Variants in CDH4 observed in about 807,000 individuals in gnomAD.
CDH4 encodes cadherin-4.
Under a neutral mutation model 86.0 loss-of-function variants are expected in CDH4, and 33 were observed. The ratio of observed to expected loss-of-function variants is 0.38; its 90% CI spans 0.29 to 0.51. The LOEUF is 0.51. Among genes scored for constraint, CDH4 ranks in the 20% least tolerant of loss-of-function variants. The probability of loss-of-function intolerance (pLI) is 0.86; values close to 1 mark genes in which losing one functional copy is unlikely to be tolerated. For missense variants in CDH4, 1,114 were observed against 1,307.4 expected, an observed-to-expected ratio of 0.85 and a Z score of 2.28; for synonymous variants, 555 against 549.4, an observed-to-expected ratio of 1.01 and a Z score of -0.14.
intron 6 of CDH4, among the ~76,000 whole-genome samples, chr20:61,866,136 C>T (rs1983538056): frequency 6.6e-6 from 1 of 151,820 alleles, no homozygotes; most frequent in South Asian, 2.1e-4. Flanking sequence ...GGGGATTTTG[C>T]CCAGAGGACC....
At chr20:61,694,037 T>G (rs1482114704) in intron 2 of CDH4, among the ~76,000 whole-genome samples, 1 of 151,740 alleles carries the variant, frequency 6.6e-6, no homozygotes, top group Non-Finnish European at 1.5e-5. Context: ...GGATTACAGG[T>G]GCCCGCCATG....
intron 2 of CDH4, among the ~76,000 whole-genome samples, chr20:61,335,116 T>C (rs2084610102): frequency 6.6e-6 from 1 of 152,152 alleles, no homozygotes; most frequent in Non-Finnish European, 1.5e-5. Flanking sequence ...CTTTACAGAG[T>C]TGGCAAGAGG....
chr20:61,855,158 A>G (rs1437673470), intron 6 of CDH4, among the ~76,000 whole-genome samples: 1 of 137,046 alleles, frequency 7.3e-6, no homozygotes, highest in South Asian at 2.4e-4. Context: ...GCCCACCCCC[A>G]GGGCTGCAGT....
chr20:61,545,834 G>GTGTGTGTGGAGGGGTATGTGTGCA (rs2086074914), intron 2 of CDH4, among the ~76,000 whole-genome samples: 1 of 150,430 alleles, frequency 6.6e-6, no homozygotes, highest in Admixed American at 6.6e-5. Context: ...GTGTGTATGT[G>GTGTGTGTGGAGGGGTATGTGTGCA]TGTGTGTGGA....
At position 61,464,310 on chromosome 20, in the gene CDH4, T is replaced by G. The variant is rs577993474; in HGVS notation, c.169+209373T>G. On this transcript the variant is annotated intron_variant, in intron 2 of 15. Transcript: ENST00000614565. ...TATTTCCAGGTACAGTTATTATGGA[T>G]GTAATCCTATTAACCTGCATTTTGA... Among the ~76,000 whole-genome samples the G allele has an allele frequency of 3.0e-4, 45 of 152,316 alleles. 1 individual carries two copies. The highest frequency in any genetic ancestry group is 2.7e-3 in the Admixed American group (42 of 15,298).
At chr20:61,628,478 G>A (rs1238959806) in intron 2 of CDH4, among the ~76,000 whole-genome samples, 1 of 152,134 alleles carries the variant, frequency 6.6e-6, no homozygotes, top group African/African-American at 2.4e-5. Flanking sequence ...TCTAAGCCTG[G>A]CTTTACAAAC....
intron 2 of CDH4, among the ~76,000 whole-genome samples, chr20:61,424,303 A>C (rs2085198906): frequency 6.6e-6 from 1 of 151,410 alleles, no homozygotes; most frequent in African/African-American, 2.4e-5. Flanking sequence ...AAACACACTC[A>C]TATCCACACA....
intron 2 of CDH4, among the ~76,000 whole-genome samples, chr20:61,341,993 T>C (rs1013200181): frequency 7.9e-5 from 12 of 152,156 alleles, no homozygotes; most frequent in Non-Finnish European, 5.9e-5. Flanking sequence ...CTCACAAAAC[T>C]CTTTAGAAAT....
intron 2 of CDH4, among the ~76,000 whole-genome samples, chr20:61,601,327 C>G (rs2427168): frequency 6.6e-6 from 1 of 151,952 alleles, no homozygotes; most frequent in Admixed American, 6.5e-5. Context: ...AACACCTCCC[C>G]CCAGGCCCCA....
At chr20:61,388,500 C>T (rs1283812483) in intron 2 of CDH4, among the ~76,000 whole-genome samples, 1 of 152,170 alleles carries the variant, frequency 6.6e-6, no homozygotes, top group Non-Finnish European at 1.5e-5. Context: ...TACCGTGACC[C>T]TTCTCCGATT....
chr20:61,909,659 C>T (rs544613126), intron 8 of CDH4, among the ~76,000 whole-genome samples: 4 of 152,264 alleles, frequency 2.6e-5, no homozygotes, highest in African/African-American at 7.2e-5. Flanking sequence ...AATATGTCTG[C>T]GTCTTCTCTT....
rs144244383 is a variant in CDH4 at position 61,516,253 on chromosome 20, C to T, written c.170-227310C>T. On this transcript the variant is annotated intron_variant, in intron 2 of 15. Coordinates refer to ENST00000614565, the MANE Select transcript of CDH4 (RefSeq NM_001794.5). The surrounding 1 kb of genome is among the most constrained non-coding windows in gnomAD (Gnocchi z 4.0). ...CTAAGCAAAACAGGGACAGAGCCAC[C>T]GGCCCCACCCTAACAGGAGCAATCC... Among the ~76,000 whole-genome samples the T allele has an allele frequency of 4.6e-5, 7 of 152,282 alleles. No individual in the cohort carries two copies. The highest frequency in any genetic ancestry group is 3.9e-4 in the East Asian group (2 of 5,180).
chr20:61,897,995 G>T (rs542215107), intron 8 of CDH4, among the ~76,000 whole-genome samples: 3 of 152,324 alleles, frequency 2.0e-5, no homozygotes, highest in African/African-American at 7.2e-5. Context: ...ACCCTGGCAG[G>T]GAGGGTTCCC....
chr20:61,555,247 G>A (rs898798436), intron 2 of CDH4, among the ~76,000 whole-genome samples: 9 of 152,228 alleles, frequency 5.9e-5, no homozygotes, highest in African/African-American at 1.9e-4. Flanking sequence ...GTTTCTATGA[G>A]TGTGTGCAGA....
At position 61,783,858 on chromosome 20, in the gene CDH4, A is replaced by G. The variant is rs78885640; in HGVS notation, c.576+10676A>G. ...TCGGGACAGTTCTCAAGGCCCTCAG[A>G]TGTCCTGTGCCCCCAAGAGAAATGT... On this transcript the variant is annotated intron_variant, in intron 4 of 15. Transcript: ENST00000614565. Among the ~76,000 whole-genome samples, 37 of 33,854 alleles carry G rather than the reference A, an allele frequency of 1.1e-3. 2 individuals carry two copies. The highest frequency in any genetic ancestry group is 4.6e-3 in the African/African-American group (27 of 5,910). The allele number at this position is 33,854 out of a possible 152,430, so 22.2% of individuals were successfully genotyped here.
chr20:61,934,642 C>T (rs945500961), intron 15 of CDH4, among the ~76,000 whole-genome samples: 1 of 152,200 alleles, frequency 6.6e-6, no homozygotes, highest in African/African-American at 2.4e-5. Flanking sequence ...CTGTGAATGG[C>T]CTTCCCGGGC....
At position 61,923,634 on chromosome 20, in the gene CDH4, G is replaced by T. The variant is rs148441133; in HGVS notation, c.1558G>T (p.Val520Leu). The T allele has an allele frequency of 6.2e-7, 1 of 1,613,946 alleles. No homozygotes were observed. Among genetic ancestry groups the T allele is most frequent in the Non-Finnish European group, 8.5e-7 (1 of 1,180,032 alleles). ...NHKLIRLEEGVPPGTVLTTFS... is the reference protein window; with the variant it reads ...NHKLIRLEEGLPPGTVLTTFS... ...CAAGCTGATCCGCCTGGAGGAGGGCGTGCCCCCCGGCACCGTGCTGACCAC... is the reference window on the plus strand; with the variant it reads ...CAAGCTGATCCGCCTGGAGGAGGGCTTGCCCCCCGGCACCGTGCTGACCAC... The change falls in exon 10 of 16, where the codon GTG becomes TTG. Residue 520 changes from valine (V) to leucine (L), a missense_variant. This residue lies in a region of CDH4 where 705 missense variants were observed against 914.1 expected (regional missense o/e 0.77). Coordinates refer to ENST00000614565, the MANE Select transcript of CDH4 (RefSeq NM_001794.5).
rs2145765808 is a variant in CDH4 at position 61,615,735 on chromosome 20, A to C, written c.170-127828A>C. Among the ~76,000 whole-genome samples the C allele has an allele frequency of 2.0e-5, 3 of 152,320 alleles. No individual in the cohort carries two copies. In the South Asian group the frequency reaches 6.2e-4, roughly 32 times the overall value. On this transcript the variant is annotated intron_variant, in intron 2 of 15. Coordinates refer to ENST00000614565, the MANE Select transcript of CDH4 (RefSeq NM_001794.5). ...TAGGGATGCGAGGGTTAGGAGAATTAATGATTTCTATGAAATCAGCATGTA... is the reference window on the plus strand; with the variant it reads ...TAGGGATGCGAGGGTTAGGAGAATTCATGATTTCTATGAAATCAGCATGTA...
chr20:61,570,859 G>A, intron 2 of CDH4: 1 of 693,796 alleles, frequency 1.4e-6, no homozygotes, highest in Non-Finnish European at 2.6e-6. Flanking sequence ...TGTTGCGTTT[G>A]GATGTGTAGT....
Sources: gnomAD v4.1 joint callset for allele counts (sites outside exome capture counted in the v4.1 genomes callset) on GRCh38, gnomAD v4.1.1 for gene constraint, gnomAD v4.1.1 regional missense constraint, Gnocchi (gnomAD v3.1) non-coding constraint, MANE v1.5 for transcripts, NCBI Gene and HGNC (gene_info 2026-07-23, HGNC 2026-07-21) for gene names.